The following LRP2 variants were observed in gnomAD, a reference collection of about 807,000 sequenced individuals.
The protein encoded by LRP2 is low-density lipoprotein receptor-related protein 2.
LRP2 carries 172 observed loss-of-function variants against 531.0 expected under a neutral mutation model. The observed-to-expected ratio is 0.32, with a 90% CI of 0.29 to 0.37. The LOEUF (loss-of-function observed/expected upper bound fraction) is 0.37, where lower values mean the gene tolerates loss of function less well. Ranked by LOEUF, LRP2 falls within the 10% of genes least tolerant of loss-of-function variation. The probability of loss-of-function intolerance (pLI) is 1.00; values close to 1 mark genes in which losing one functional copy is unlikely to be tolerated. For synonymous variants in LRP2, 1,992 were observed against 2,027.6 expected, an observed-to-expected ratio of 0.98 and a Z score of 0.47; for missense variants, 5,167 against 5,868.3, an observed-to-expected ratio of 0.88 and a Z score of 3.90.
intron 41 of LRP2, among the ~76,000 whole-genome samples, chr2:169,204,497 T>C: frequency 6.6e-6 from 1 of 152,110 alleles, no homozygotes; most frequent in South Asian, 2.1e-4. Context: ...TGAATAGTAA[T>C]CCTACAAAAG....
chr2:169,161,921 T>C (rs181253594), intron 63 of LRP2, among the ~76,000 whole-genome samples: 43 of 152,344 alleles, frequency 2.8e-4, no homozygotes, highest in Admixed American at 2.8e-3. Context: ...TACTTTAAGT[T>C]CCAGGGTACA....
intron 50 of LRP2, among the ~76,000 whole-genome samples, chr2:169,184,386 C>G (rs1687550099): frequency 6.6e-6 from 1 of 152,214 alleles, no homozygotes; most frequent in African/African-American, 2.4e-5. Context: ...GGGAAGCCAA[C>G]TGTCCCCACC....
At chr2:169,246,521 T>C (rs1690011274) in intron 21 of LRP2, among the ~76,000 whole-genome samples, 184 bp downstream of exon 21, 1 of 152,202 alleles carries the variant, frequency 6.6e-6, no homozygotes, top group South Asian at 2.1e-4. Context: ...CCAGAAACCA[T>C]CCATAACATT....
chr2:169,133,340 A>G (rs1250642500), intron 76 of LRP2, among the ~76,000 whole-genome samples: 1 of 152,240 alleles, frequency 6.6e-6, no homozygotes, highest in African/African-American at 2.4e-5. Flanking sequence ...ATATTTTCAC[A>G]TTCATTACTT....
intron 35 of LRP2, among the ~76,000 whole-genome samples, chr2:169,215,905 C>T (rs983819374): frequency 6.0e-5 from 9 of 151,174 alleles, no homozygotes; most frequent in African/African-American, 2.2e-4. Context: ...ACCCAGAGTA[C>T]TTTCAAAGAA....
intron 24 of LRP2, 73 bp downstream of exon 24, chr2:169,242,883 C>A: frequency 9.4e-7 from 1 of 1,062,206 alleles, no homozygotes; most frequent in Non-Finnish European, 1.5e-6. Flanking sequence ...AAATGTGTGG[C>A]AATATCAATA....
rs185995806 is a variant in LRP2 at position 169,350,879 on chromosome 2, C to T, written c.79+11442G>A. Among the ~76,000 whole-genome samples the T allele has an allele frequency of 3.5e-3, 531 of 152,198 alleles. 6 individuals carry two copies. Among genetic ancestry groups the T allele is most frequent in the Non-Finnish European group, 2.7e-3 (181 of 68,014 alleles). ...GGAACAAGATCCATGAATGTCCTGA[C>T]TTGACATGTGATGTTCTTTCCACCA... On this transcript the variant is annotated intron_variant, in intron 1 of 78. Transcript: ENST00000649046.
At chr2:169,194,720 T>TC (rs1687946327) in intron 46 of LRP2, among the ~76,000 whole-genome samples, 1 of 145,816 alleles carries the variant, frequency 6.9e-6, no homozygotes, top group East Asian at 2.0e-4. Context: ...TCCAGACTTT[T>TC]TTTTTTTTTT....
intron 5 of LRP2, 39 bp from the exon 6 acceptor site, chr2:169,294,300 G>C: frequency 8.3e-7 from 1 of 1,198,240 alleles, no homozygotes; most frequent in Non-Finnish European, 1.3e-6. Context: ...AAAGAGAGAA[G>C]TTAACTCCAT....
chr2:169,157,950 AAATAAAT>A (rs1403750924), intron 63 of LRP2, among the ~76,000 whole-genome samples: 5 of 148,670 alleles, frequency 3.4e-5, no homozygotes, highest in Middle Eastern at 3.5e-3. Flanking sequence ...ATAAATAAAT[AAATAAAT>A]AAAAGACATG....
At chr2:169,325,085 A>G (rs1158296867) in intron 1 of LRP2, among the ~76,000 whole-genome samples, 1 of 152,014 alleles carries the variant, frequency 6.6e-6, no homozygotes, top group Non-Finnish European at 1.5e-5. Flanking sequence ...GAAAGAAAAA[A>G]ACATTGAGTC....
intron 68 of LRP2, among the ~76,000 whole-genome samples, chr2:169,150,632 A>G (rs753006735): frequency 6.6e-6 from 1 of 152,212 alleles, no homozygotes; most frequent in Non-Finnish European, 1.5e-5. Flanking sequence ...AAAGAACTTT[A>G]GAGTTCAGAG....
intron 31 of LRP2, among the ~76,000 whole-genome samples, chr2:169,229,711 C>A (rs1395744394): frequency 6.6e-6 from 1 of 152,176 alleles, no homozygotes; most frequent in Non-Finnish European, 1.5e-5. Context: ...CCAACTGTAA[C>A]CACTATTGGC....
intron 27 of LRP2, among the ~76,000 whole-genome samples, chr2:169,237,533 C>G (rs1465494244): frequency 6.6e-6 from 1 of 152,110 alleles, no homozygotes; most frequent in South Asian, 2.1e-4. Context: ...TGCATAGTTT[C>G]GTTTTGGTTT....
intron 77 of LRP2, among the ~76,000 whole-genome samples, chr2:169,130,788 T>C (rs1685257122): frequency 6.6e-6 from 1 of 152,024 alleles, no homozygotes; most frequent in African/African-American, 2.4e-5. Flanking sequence ...TTTTAGAGGG[T>C]CTCAGCCTCA....
chr2:169,248,137 C>A (rs1690084425), intron 19 of LRP2, among the ~76,000 whole-genome samples: 1 of 108,882 alleles, frequency 9.2e-6, no homozygotes, highest in African/African-American at 3.9e-5. Context: ...AACCACACTA[C>A]TAATGTTAGA....
rs916737558 is a variant in LRP2, at chr2:169,246,705, T to C, written c.3190A>G (p.Asn1064Asp). The C allele has an allele frequency of 1.1e-5, 18 of 1,614,100 alleles. No homozygotes were observed. In the Admixed American group the frequency reaches 2.3e-4, roughly 21 times the overall value. Residue 1064 changes from asparagine to aspartate, a missense_variant and splice_region_variant, in exon 21 of 79, where the codon AAT (asparagine) becomes GAT (aspartate). This residue lies in a region of LRP2 where 2,811 missense variants were observed against 3,058.0 expected (regional missense o/e 0.92). Transcript: ENST00000649046. ...ATATCGCCAGTGCATAGCTACTTAC[T>C]AAGTGTGCCACATAGTTGCTCATCA... is the stretch of plus-strand genomic sequence containing the variant. ...NSDEQLCGTL[N>D]NTCSSSAFTC...
chr2:169,175,773 T>C (rs980900626), intron 54 of LRP2, among the ~76,000 whole-genome samples: 1 of 152,190 alleles, frequency 6.6e-6, no homozygotes, highest in Non-Finnish European at 1.5e-5. Flanking sequence ...ATAAAAACTG[T>C]TGAGGGTCTT....
chr2:169,146,149 C>A (rs1685902081), intron 69 of LRP2, among the ~76,000 whole-genome samples: 2 of 152,116 alleles, frequency 1.3e-5, no homozygotes. Context: ...TGATGTATAC[C>A]ACCCGACACC....
Sources: allele counts gnomAD v4.1 joint callset (sites outside exome capture counted in the v4.1 genomes callset), GRCh38; gene constraint gnomAD v4.1.1; regional missense constraint gnomAD v4.1.1; transcripts MANE v1.5; gene names NCBI Gene and HGNC (gene_info 2026-07-23, HGNC 2026-07-21).